Variants in RSPO2 observed in about 807,000 individuals in gnomAD.
RSPO2 encodes R-spondin-2.
A neutral mutation model predicts 30.9 loss-of-function variants in RSPO2; 14 were observed. The ratio of observed to expected loss-of-function variants is 0.45; its 90% CI spans 0.30 to 0.71. The LOEUF is 0.71. Ranked by LOEUF, RSPO2 falls within the 30% of genes least tolerant of loss-of-function variation. RSPO2 has a pLI of 0.08. For missense variants in RSPO2, 264 were observed against 301.9 expected, an observed-to-expected ratio of 0.87 and a Z score of 0.93; for synonymous variants, 107 against 96.4, an observed-to-expected ratio of 1.11 and a Z score of -0.64.
At chr8:108,056,234 A>G (rs1812236802) in intron 2 of RSPO2, among the ~76,000 whole-genome samples, 2 of 152,178 alleles carry the variant, frequency 1.3e-5, no homozygotes, top group Non-Finnish European at 2.9e-5. Flanking sequence ...ACCTTAGGCT[A>G]TGCCCGGAGT....
At chr8:107,984,836 C>T (rs1353867358) in intron 3 of RSPO2, among the ~76,000 whole-genome samples, 1 of 152,010 alleles carries the variant, frequency 6.6e-6, no homozygotes, top group African/African-American at 2.4e-5. Flanking sequence ...GGTAGTTATG[C>T]CAAAGGAGAA....
At chr8:107,985,645 T>C (rs1469759193) in intron 3 of RSPO2, among the ~76,000 whole-genome samples, 1 of 152,238 alleles carries the variant, frequency 6.6e-6, no homozygotes, top group Non-Finnish European at 1.5e-5. Flanking sequence ...TTGCTTTTTT[T>C]AGGCCTGTGT....
At chr8:108,011,110 G>A (rs1277529127) in intron 2 of RSPO2, among the ~76,000 whole-genome samples, 1 of 132,540 alleles carries the variant, frequency 7.5e-6, no homozygotes, top group Non-Finnish European at 1.6e-5. Context: ...TCCAGCCTGG[G>A]TGACATAGTG....
chr8:107,913,706 G>T (rs977756411), intron 5 of RSPO2, among the ~76,000 whole-genome samples: 3 of 152,194 alleles, frequency 2.0e-5, no homozygotes, highest in African/African-American at 7.2e-5. Context: ...TAAAACACGA[G>T]AACATAGTTA....
intron 2 of RSPO2, among the ~76,000 whole-genome samples, chr8:108,035,502 G>C (rs965470901): frequency 6.6e-6 from 1 of 151,846 alleles, no homozygotes; most frequent in Non-Finnish European, 1.5e-5. Context: ...ACGGAGTCTC[G>C]CTCTGTTGCG....
intron 5 of RSPO2, among the ~76,000 whole-genome samples, chr8:107,956,135 C>T (rs1813427718): frequency 6.6e-6 from 1 of 152,148 alleles, no homozygotes; most frequent in Admixed American, 6.6e-5. Flanking sequence ...TTGTAGTTTT[C>T]ATTTCCTACA....
At chr8:108,077,798 T>C (rs1813059864) in intron 2 of RSPO2, among the ~76,000 whole-genome samples, 1 of 152,156 alleles carries the variant, frequency 6.6e-6, no homozygotes, top group African/African-American at 2.4e-5. Context: ...CAGCCCTTGA[T>C]TGCTGCAGTT....
At chr8:108,034,783 A>G (rs997918703) in intron 2 of RSPO2, among the ~76,000 whole-genome samples, 5 of 152,202 alleles carry the variant, frequency 3.3e-5, no homozygotes, top group African/African-American at 1.2e-4. Flanking sequence ...AAATTGTGAA[A>G]TGGCCAGTCT....
At chr8:107,995,482 T>G (rs1814987674) in intron 2 of RSPO2, among the ~76,000 whole-genome samples, 1 of 152,134 alleles carries the variant, frequency 6.6e-6, no homozygotes, top group South Asian at 2.1e-4. Context: ...TTAGCATCTT[T>G]CCATAACAAT....
chr8:108,058,725 C>G (rs1812343428), intron 2 of RSPO2, among the ~76,000 whole-genome samples: 6 of 151,770 alleles, frequency 4.0e-5, no homozygotes, highest in Admixed American at 2.6e-4. Flanking sequence ...TTTCACAAAC[C>G]TGAGAAAAAC....
At chr8:108,072,642 C>T (rs1179933465) in intron 2 of RSPO2, among the ~76,000 whole-genome samples, 1 of 151,634 alleles carries the variant, frequency 6.6e-6, no homozygotes, top group Admixed American at 6.6e-5. Context: ...CCGGCCGATG[C>T]CAGAGAATTT....
chr8:107,958,350 A>T, intron 4 of RSPO2, 82 bp from the exon 5 acceptor site: 2 of 1,162,276 alleles, frequency 1.7e-6, no homozygotes, highest in African/African-American at 3.1e-5. Flanking sequence ...TCAAATTTAC[A>T]GAGCAGTGTT....
chr8:107,988,961 CA>C, intron 3 of RSPO2, 94 bp downstream of exon 3: 1 of 1,178,782 alleles, frequency 8.5e-7, no homozygotes, highest in South Asian at 1.5e-5. Context: ...ATTACAAACA[CA>C]TTTTTTTTAA....
At chr8:108,073,099 T>C (rs1237823700) in intron 2 of RSPO2, 3 of 152,236 alleles carry the variant, frequency 2.0e-5, no homozygotes, top group Non-Finnish European at 4.4e-5. Flanking sequence ...TTGGTTCAGT[T>C]TGCCTCTTGG....
At chr8:108,003,991 C>T (rs566019782) in intron 2 of RSPO2, among the ~76,000 whole-genome samples, 56 of 152,142 alleles carry the variant, frequency 3.7e-4, no homozygotes, top group Non-Finnish European at 7.4e-4. Flanking sequence ...CCTCATAATT[C>T]GTTCGCTGCT....
chr8:107,946,266 G>C (rs976118652), intron 5 of RSPO2, among the ~76,000 whole-genome samples: 3 of 152,192 alleles, frequency 2.0e-5, no homozygotes, highest in African/African-American at 7.2e-5. Context: ...AAGTAAACTT[G>C]TCTGGTTCAT....
In RSPO2 at chr8:108,022,525, A is replaced by G. The variant is rs563935841; in HGVS notation, c.95-33281T>C. ...TATTCTCATTGCTCTTAACACACAT[A>G]ACTATGGAAAGTGATGGCTATGTAA... On this transcript the variant is annotated intron_variant, in intron 2 of 5. Coordinates refer to ENST00000276659, the MANE Select transcript of RSPO2 (RefSeq NM_178565.5). Among the ~76,000 whole-genome samples, 6 of 152,322 alleles carry G rather than the reference A, an allele frequency of 3.9e-5. No homozygotes were observed. In the East Asian group the frequency reaches 1.2e-3, roughly 29 times the overall value.
intron 2 of RSPO2, among the ~76,000 whole-genome samples, chr8:108,026,739 GC>G: frequency 6.6e-6 from 1 of 152,202 alleles, no homozygotes; most frequent in African/African-American, 2.4e-5. Flanking sequence ...GGTGGCAGAT[GC>G]CTGTAGTCCC....
rs74742964 is a variant in RSPO2 at position 107,935,546 on chromosome 8, G to A, written c.616+22534C>T. 9.0e-3 allele frequency among the ~76,000 whole-genome samples: 1,374 copies of A among 152,006 alleles called. 20 individuals carry two copies. Among genetic ancestry groups the A allele is most frequent in the African/African-American group, 0.031 (1,289 of 41,444 alleles). ...GCAGATAGGAAGAATAAGAAGACAC[G>A]AAGGCTCAGGATGGATGCACCAAAG... is the stretch of plus-strand genomic sequence containing the variant. On this transcript the variant is annotated intron_variant, in intron 5 of 5. Coordinates refer to ENST00000276659, the MANE Select transcript of RSPO2 (RefSeq NM_178565.5).
Sources: allele counts gnomAD v4.1 joint callset (sites outside exome capture counted in the v4.1 genomes callset), GRCh38; gene constraint gnomAD v4.1.1; transcripts MANE v1.5; gene names NCBI Gene and HGNC (gene_info 2026-07-23, HGNC 2026-07-21).